DSCAM: variants seen among roughly 807,000 people sequenced by gnomAD.
DSCAM encodes the protein DS cell adhesion molecule.
Under a neutral mutation model 217.7 loss-of-function variants are expected in DSCAM, and 47 were observed. The observed-to-expected ratio is 0.22, with a 90% CI of 0.17 to 0.28. The LOEUF is 0.28. Among genes scored for constraint, DSCAM ranks in the 10% least tolerant of loss-of-function variants. DSCAM has a pLI of 1.00. For missense variants in DSCAM, 2,080 were observed against 2,618.3 expected, an observed-to-expected ratio of 0.79 and a Z score of 4.49; for synonymous variants, 1,056 against 1,015.3, an observed-to-expected ratio of 1.04 and a Z score of -0.76.
chr21:40,240,349 G>GTTTTTTT lies in DSCAM; in HGVS notation c.2356+35741_2356+35747dup, dbSNP rs749073872. Among the ~76,000 whole-genome samples, 570 of 57,702 alleles carry GTTTTTTT rather than the reference G, an allele frequency of 9.9e-3. 90 individuals carry two copies. Among genetic ancestry groups the GTTTTTTT allele is most frequent in the African/African-American group, 0.023 (304 of 12,982 alleles). The allele number at this position is 57,702 out of a possible 152,430, so 37.9% of individuals were successfully genotyped here. The stretch of plus-strand genomic sequence containing the variant: ...AGCTACTGCAGTAGCTTCCTCACTG[G>GTTTTTTT]TTTTTTTTTTTTTTTTTTTTTTTTG... On this transcript the variant is annotated intron_variant, in intron 11 of 32. Coordinates refer to ENST00000400454, the MANE Select transcript of DSCAM (RefSeq NM_001389.5).
chr21:40,573,905 G>A (rs1001661533), intron 3 of DSCAM, among the ~76,000 whole-genome samples: 4 of 151,970 alleles, frequency 2.6e-5, no homozygotes, highest in South Asian at 2.1e-4. Flanking sequence ...CTTTAAAAAC[G>A]CATCTTATCA....
chr21:40,202,732 T>G (rs939242539), intron 11 of DSCAM, among the ~76,000 whole-genome samples: 1 of 152,246 alleles, frequency 6.6e-6, no homozygotes, highest in Non-Finnish European at 1.5e-5. Flanking sequence ...ACCTTTTCCT[T>G]GAAACCACTC....
At chr21:40,805,499 A>G (rs544301574) in intron 1 of DSCAM, among the ~76,000 whole-genome samples, 111 of 152,188 alleles carry the variant, frequency 7.3e-4, no homozygotes, top group Middle Eastern at 3.4e-3. Flanking sequence ...TCACTCCCCA[A>G]TGAACCTACT....
At chr21:40,222,805 T>G (rs1323892919) in intron 11 of DSCAM, among the ~76,000 whole-genome samples, 1 of 152,174 alleles carries the variant, frequency 6.6e-6, no homozygotes, top group East Asian at 1.9e-4. Flanking sequence ...CTTTGGAATC[T>G]TCAAGAATTT....
chr21:40,323,524 T>TA (rs981075230), intron 8 of DSCAM, among the ~76,000 whole-genome samples: 1 of 152,054 alleles, frequency 6.6e-6, no homozygotes, highest in African/African-American at 2.4e-5. Context: ...AGAAGAAGAA[T>TA]AAAAAAAGAA....
chr21:40,373,351 A>G (rs1235016407), intron 3 of DSCAM, among the ~76,000 whole-genome samples: 2 of 152,106 alleles, frequency 1.3e-5, no homozygotes, highest in African/African-American at 4.8e-5. Context: ...TCGTTGGACC[A>G]GCACTGTCCT....
intron 32 of DSCAM, among the ~76,000 whole-genome samples, chr21:40,021,201 G>A (rs1423856972): frequency 1.2e-4 from 12 of 96,660 alleles, no homozygotes; most frequent in African/African-American, 4.8e-4. Flanking sequence ...GCGAGACTCC[G>A]TCTCAAAAAA....
intron 1 of DSCAM, among the ~76,000 whole-genome samples, chr21:40,833,430 A>C (rs991841885): frequency 1.3e-5 from 2 of 152,230 alleles, no homozygotes; most frequent in Non-Finnish European, 2.9e-5. Context: ...AGGGTGCTTC[A>C]GGCACAGGGC....
intron 3 of DSCAM, among the ~76,000 whole-genome samples, chr21:40,430,131 A>G (rs1341262038): frequency 2.0e-5 from 3 of 152,210 alleles, no homozygotes; most frequent in African/African-American, 4.8e-5. Context: ...TGCACATTGC[A>G]TTTGATGGAG....
chr21:40,028,102 G>A (rs1156631287), intron 32 of DSCAM, among the ~76,000 whole-genome samples: 2 of 72,950 alleles, frequency 2.7e-5, no homozygotes, highest in African/African-American at 1.1e-4. Context: ...TCAGCTGCAG[G>A]TCTGTTGGAG....
intron 3 of DSCAM, among the ~76,000 whole-genome samples, chr21:40,643,101 G>T (rs75478832): frequency 1.5e-4 from 23 of 152,108 alleles, no homozygotes; most frequent in Non-Finnish European, 2.6e-4. Context: ...TAGATGAAGA[G>T]ACACTAGAGA....
intron 3 of DSCAM, among the ~76,000 whole-genome samples, chr21:40,484,201 C>T (rs920276086): frequency 1.3e-5 from 2 of 152,152 alleles, no homozygotes; most frequent in South Asian, 2.1e-4. Context: ...AATATTTCAC[C>T]GTCTCAAATA....
intron 1 of DSCAM, among the ~76,000 whole-genome samples, chr21:40,722,303 A>G (rs1447032537): frequency 6.6e-6 from 1 of 152,176 alleles, no homozygotes; most frequent in Non-Finnish European, 1.5e-5. Context: ...ATCAAAAGAT[A>G]CATTACTGTT....
At chr21:40,626,959 G>A (rs905361558) in intron 3 of DSCAM, among the ~76,000 whole-genome samples, 7 of 152,126 alleles carry the variant, frequency 4.6e-5, no homozygotes, top group South Asian at 2.1e-4. Context: ...TTTTCTTTAC[G>A]TATCAAGAAA....
chr21:40,739,954 A>ATTTTTTTTTTTTTTTTTTTTTTT (rs56815777), intron 1 of DSCAM, among the ~76,000 whole-genome samples: 1 of 58,930 alleles, frequency 1.7e-5, no homozygotes, highest in African/African-American at 6.7e-5. Flanking sequence ...TGCAGGTGTA[A>ATTTTTTTTTTTTTTTTTTTTTTT]TTTTTTTTTT....
chr21:40,466,966 C>CT (rs1218349353), intron 3 of DSCAM, among the ~76,000 whole-genome samples: 1 of 152,086 alleles, frequency 6.6e-6, no homozygotes, highest in Non-Finnish European at 1.5e-5. Flanking sequence ...GTTTATTTCA[C>CT]TTTGTTCATC....
At chr21:40,797,843 T>C (rs1170232234) in intron 1 of DSCAM, among the ~76,000 whole-genome samples, 3 of 152,148 alleles carry the variant, frequency 2.0e-5, no homozygotes, top group Admixed American at 2.0e-4. Context: ...TGTAAGGATC[T>C]GGTGTTTTCT....
At chr21:40,320,588 A>G (rs2074248594) in intron 8 of DSCAM, among the ~76,000 whole-genome samples, 1 of 152,250 alleles carries the variant, frequency 6.6e-6, no homozygotes, top group Non-Finnish European at 1.5e-5. Flanking sequence ...TACAAAAGAA[A>G]GAGTTTAATT....
At chr21:40,589,183 G>A (rs76017568) in intron 3 of DSCAM, among the ~76,000 whole-genome samples, 14,755 of 152,228 alleles carry the variant, frequency 0.097, 729 homozygotes, top group Admixed American at 0.13. Flanking sequence ...CCACCCTGCA[G>A]CTCTCACCTC....
Sources: gnomAD v4.1 joint callset for allele counts (sites outside exome capture counted in the v4.1 genomes callset) on GRCh38, gnomAD v4.1.1 for gene constraint, MANE v1.5 for transcripts, NCBI Gene and HGNC (gene_info 2026-07-23, HGNC 2026-07-21) for gene names.